ORC4: variants seen among roughly 807,000 people sequenced by gnomAD.
ORC4 encodes origin recognition complex, subunit 4 homolog.
In ORC4, 55 loss-of-function variants were observed where a neutral mutation model predicts 63.9. The observed-to-expected ratio is 0.86, with a 90% CI of 0.69 to 1.08. The LOEUF (loss-of-function observed/expected upper bound fraction) is 1.08. Among genes scored for constraint, ORC4 ranks in the 50% least tolerant of loss-of-function variants. The pLI, the probability that ORC4 is intolerant of heterozygous loss-of-function variation, is 0.00. For synonymous variants in ORC4, 150 were observed against 168.5 expected (o/e 0.89, Z 0.85); for missense variants, 511 against 504.4 (o/e 1.01, Z -0.13).
In ORC4 at chr2:147,948,225, C is replaced by A; in HGVS notation, c.589-1G>T. On this transcript the variant is annotated splice_acceptor_variant, in intron 8 of 13. Coordinates refer to ENST00000392857, the MANE Select transcript of ORC4 (RefSeq NM_181741.4). LOFTEE classifies it high-confidence loss of function. ...TTTTTTCTAAGAGTTCCAAAATATC[C>A]TTAAAAACAAACAGAAATCTCTATA... 6.3e-7 allele frequency: 1 copy of A among 1,596,684 alleles called. No individual in the cohort carries two copies. The highest frequency in any genetic ancestry group is 1.1e-5 in the South Asian group (1 of 89,890).
In ORC4 at chr2:147,946,757, GA is replaced by G. The variant is rs202183500; in HGVS notation, c.762+1293del. Among the ~76,000 whole-genome samples, 578 of 151,936 alleles carry G rather than the reference GA, an allele frequency of 3.8e-3. 4 individuals carry two copies. Among genetic ancestry groups the G allele is most frequent in the African/African-American group, 0.013 (544 of 41,510 alleles). ...AGGGAATTATTAATCATAACAATGG[GA>G]AAAAAGTAATATAAAAATATGTAGG... On this transcript the variant is annotated intron_variant, in intron 9 of 13. Transcript: ENST00000392857.
intron 4 of ORC4, chr2:147,960,232 C>T (rs912376288): frequency 1.0e-6 from 1 of 984,328 alleles, no homozygotes; most frequent in Non-Finnish European, 1.2e-6. Flanking sequence ...TTTCTTTCCA[C>T]TCAACTTACT....
At chr2:148,010,895 C>A (rs1692928768) in intron 1 of ORC4, among the ~76,000 whole-genome samples, 1 of 147,648 alleles carries the variant, frequency 6.8e-6, no homozygotes, top group Admixed American at 6.8e-5. Flanking sequence ...ACTCTGTTGC[C>A]CAGGTGATCT....
At chr2:147,941,778 A>G (rs1688378327) in intron 10 of ORC4, among the ~76,000 whole-genome samples, 1 of 151,972 alleles carries the variant, frequency 6.6e-6, no homozygotes, top group African/African-American at 2.4e-5. Flanking sequence ...GTGTGTATAT[A>G]TATATACATA....
chr2:147,972,633 T>C, intron 4 of ORC4, 106 bp downstream of exon 4: 1 of 561,276 alleles, frequency 1.8e-6, no homozygotes, highest in South Asian at 3.3e-5. Context: ...TAATGAAAAG[T>C]ATTTTCAGTA....
Position 147,933,166 on chromosome 2 carries a change from C to G in ORC4, c.*2344G>C, listed in dbSNP as rs1220096767. 6.6e-6 allele frequency: 1 copy of G among 152,006 alleles called. No homozygotes were observed. The highest frequency in any genetic ancestry group is 2.4e-5 in the African/African-American group (1 of 41,404). 9.4% of individuals were successfully genotyped at this position (152,006 alleles called of 1,614,324 possible). ...TCAGATTGAAAAGCAGGAGTTCATG[C>G]ATTTTTTGGTTCTATTTTTCCTCCT... On this transcript the variant is annotated 3_prime_UTR_variant, in exon 14 of 14. Transcript: ENST00000392857.
intron 6 of ORC4, 76 bp from the exon 7 acceptor site, chr2:147,955,471 A>AT: frequency 9.9e-7 from 1 of 1,011,526 alleles, no homozygotes; most frequent in Non-Finnish European, 1.5e-6. Context: ...TGATTCTCAA[A>AT]TTTTATATAA....
At chr2:147,993,834 A>G (rs1419445143) in intron 1 of ORC4, among the ~76,000 whole-genome samples, 1 of 152,206 alleles carries the variant, frequency 6.6e-6, no homozygotes, top group Non-Finnish European at 1.5e-5. Context: ...TGGGACAATA[A>G]TTGATGATCA....
rs1687998163 is a variant in ORC4, at chr2:147,935,491, T to C, written c.*19A>G. On this transcript the variant is annotated 3_prime_UTR_variant, in exon 14 of 14. Coordinates refer to ENST00000392857, the MANE Select transcript of ORC4 (RefSeq NM_181741.4). ...CAGAAGTATGAATGAAATGCCAAAG[T>C]TGAAGTCACTGGTTATATTCATAAC... is the stretch of plus-strand genomic sequence containing the variant. The C allele has an allele frequency of 3.1e-6, 5 of 1,594,406 alleles. No individual in the cohort carries two copies. Among genetic ancestry groups the C allele is most frequent in the Admixed American group, 1.7e-5 (1 of 59,932 alleles).
At chr2:147,966,630 T>C (rs1006739129) in intron 4 of ORC4, among the ~76,000 whole-genome samples, 3 of 152,088 alleles carry the variant, frequency 2.0e-5, no homozygotes, top group East Asian at 1.9e-4. Context: ...CCTGGACACA[T>C]ACAACCTTTC....
chr2:147,996,849 C>T (rs1043075937), intron 1 of ORC4, among the ~76,000 whole-genome samples: 1 of 152,170 alleles, frequency 6.6e-6, no homozygotes, highest in Non-Finnish European at 1.5e-5. Context: ...AGTTTGGCAG[C>T]TTCTTATAAA....
chr2:147,994,548 G>T (rs1691814757), intron 1 of ORC4, among the ~76,000 whole-genome samples: 1 of 152,186 alleles, frequency 6.6e-6, no homozygotes, highest in African/African-American at 2.4e-5. Context: ...AACATAGTCA[G>T]CTGGTCTTTT....
At chr2:147,998,646 G>A (rs1391063869) in intron 1 of ORC4, among the ~76,000 whole-genome samples, 2 of 152,158 alleles carry the variant, frequency 1.3e-5, no homozygotes, top group Non-Finnish European at 2.9e-5. Flanking sequence ...AGAACTGTGA[G>A]CTATAAAACC....
At chr2:147,989,906 C>G (rs1691479128) in intron 1 of ORC4, among the ~76,000 whole-genome samples, 1 of 152,100 alleles carries the variant, frequency 6.6e-6, no homozygotes, top group Admixed American at 6.5e-5. Flanking sequence ...CAAAAATACA[C>G]AAATGATCAT....
At chr2:148,007,669 G>A (rs772210810) in intron 1 of ORC4, among the ~76,000 whole-genome samples, 27 of 152,158 alleles carry the variant, frequency 1.8e-4, no homozygotes, top group Non-Finnish European at 3.5e-4. Flanking sequence ...AGAAATAATA[G>A]CAGAGTACTT....
chr2:147,972,383 A>C lies in ORC4; in HGVS notation c.225+356T>G, dbSNP rs1005991580. Among the ~76,000 whole-genome samples, 65 of 152,142 alleles carry C rather than the reference A, an allele frequency of 4.3e-4. 1 individual carries two copies. Among genetic ancestry groups the C allele is most frequent in the Non-Finnish European group, 5.6e-4 (38 of 67,986 alleles). ...TGTAAAGAATAAATGAGAGAACACA[A>C]TAAAAAGACACATAGTACATGCTCA... On this transcript the variant is annotated intron_variant, in intron 4 of 13. Coordinates refer to ENST00000392857, the MANE Select transcript of ORC4 (RefSeq NM_181741.4).
chr2:147,960,215 T>G (rs978797557), intron 4 of ORC4: 1 of 978,000 alleles, frequency 1.0e-6, no homozygotes, highest in African/African-American at 1.8e-5. Context: ...TGTAACAGAT[T>G]TATAGCTTTC....
chr2:147,997,107 A>G (rs1454586467), intron 1 of ORC4, among the ~76,000 whole-genome samples: 1 of 152,224 alleles, frequency 6.6e-6, no homozygotes, highest in Non-Finnish European at 1.5e-5. Flanking sequence ...GACATGAAGG[A>G]AACTTAGATG....
chr2:147,974,093 T>A (rs1255566022), intron 2 of ORC4, among the ~76,000 whole-genome samples: 3 of 152,188 alleles, frequency 2.0e-5, no homozygotes, highest in African/African-American at 7.2e-5. Context: ...AGCATGGAAC[T>A]AATCCTTCAT....
Sources: gnomAD v4.1 joint callset for allele counts (sites outside exome capture counted in the v4.1 genomes callset) on GRCh38, gnomAD v4.1.1 for gene constraint, MANE v1.5 for transcripts, NCBI Gene and HGNC (gene_info 2026-07-23, HGNC 2026-07-21) for gene names.